The following VCF2 variants were observed in gnomAD, a reference collection of about 807,000 sequenced individuals.
VCF2 encodes the protein protein VCF2.
the VCF2 span, among the ~76,000 whole-genome samples, chrX:55,147,737 C>T: frequency 1.0e-5 from 1 of 96,044 alleles, no homozygotes; most frequent in Non-Finnish European, 2.0e-5. Flanking sequence ...CCAATGACAA[C>T]ATATTGATTT....
At chrX:55,145,323 A>G in the VCF2 span, 3 of 749,219 alleles carry the variant, frequency 4.0e-6, no homozygotes, top group Non-Finnish European at 4.7e-6. Flanking sequence ...AAAATATTAC[A>G]TATTTCTTAT....
the VCF2 span, chrX:55,161,131 A>C: frequency 8.3e-7 from 1 of 1,208,771 alleles, no homozygotes; most frequent in Non-Finnish European, 1.1e-6. Context: ...GCCCCGACGA[A>C]CTTACCGTAC....
chrX:55,159,128 C>T, the VCF2 span: 1 of 1,196,208 alleles, frequency 8.4e-7, no homozygotes, highest in Non-Finnish European at 1.1e-6. Flanking sequence ...ATACTTGCTA[C>T]CTCTGTATCT....
the VCF2 span, among the ~76,000 whole-genome samples, chrX:55,150,690 TTG>T: frequency 8.9e-6 from 1 of 112,343 alleles, no homozygotes; most frequent in African/African-American, 3.2e-5. Context: ...TCATTCATAG[TTG>T]TTTTACTTTT....
At chrX:55,156,831 GA>G in the VCF2 span, among the ~76,000 whole-genome samples, 9 of 103,771 alleles carry the variant, frequency 8.7e-5, no homozygotes, top group Admixed American at 3.1e-4. Context: ...AAACAAAAAT[GA>G]AAAAAAAAAG....
chrX:55,160,071 C>T, the VCF2 span, among the ~76,000 whole-genome samples: 2 of 111,939 alleles, frequency 1.8e-5, no homozygotes, highest in African/African-American at 6.5e-5. Flanking sequence ...GTACTGAGTA[C>T]AAAATGCCAA....
At chrX:55,144,580 A>C in the VCF2 span, among the ~76,000 whole-genome samples, 2 of 87,864 alleles carry the variant, frequency 2.3e-5, no homozygotes, top group South Asian at 1.3e-3. Flanking sequence ...TCAAGGAAAC[A>C]ACCATGAAAA....
At chrX:55,149,043 G>T in the VCF2 span, among the ~76,000 whole-genome samples, 1 of 111,550 alleles carries the variant, frequency 9.0e-6, no homozygotes, top group Non-Finnish European at 1.9e-5. Context: ...CCATGAATCT[G>T]AAAATTTTCA....
At chrX:55,160,903 C>T in the VCF2 span, 1 of 1,160,186 alleles carries the variant, frequency 8.6e-7, no homozygotes, top group African/African-American at 1.8e-5. Context: ...GAAGGCTTCG[C>T]GGGATTTTTT....
At chrX:55,146,241 C>T in the VCF2 span, 8 of 1,209,619 alleles carry the variant, frequency 6.6e-6, no homozygotes, top group African/African-American at 1.4e-4. Context: ...GTTTAAGTTG[C>T]CTTCTGGTCC....
At chrX:55,151,277 T>C in the VCF2 span, among the ~76,000 whole-genome samples, 2 of 112,473 alleles carry the variant, frequency 1.8e-5, no homozygotes, top group African/African-American at 3.2e-5. Context: ...AGTTGACTTA[T>C]AGAGCCAATA....
chrX:55,149,668 C>T, the VCF2 span, among the ~76,000 whole-genome samples: 8 of 111,152 alleles, frequency 7.2e-5, no homozygotes, highest in African/African-American at 2.6e-4. Context: ...ATCTGGGCCC[C>T]GATGTCAGAG....
chrX:55,153,338 T>A, the VCF2 span, among the ~76,000 whole-genome samples: 2 of 106,959 alleles, frequency 1.9e-5, no homozygotes, highest in East Asian at 2.9e-4. Context: ...TTTCTTTTTT[T>A]AAATTTTTAT....
chrX:55,152,582 G>A, the VCF2 span, among the ~76,000 whole-genome samples: 1 of 112,116 alleles, frequency 8.9e-6, no homozygotes, highest in Non-Finnish European at 1.9e-5. Flanking sequence ...TGGTAAAAAT[G>A]TGAAAGGAAA....
the VCF2 span, among the ~76,000 whole-genome samples, chrX:55,159,657 C>T: frequency 8.9e-6 from 1 of 111,772 alleles, no homozygotes; most frequent in Non-Finnish European, 1.9e-5. Flanking sequence ...GTTCTTATGC[C>T]AGTGGTGTAG....
At chrX:55,152,739 G>GCGACATAC in the VCF2 span, among the ~76,000 whole-genome samples, 1 of 111,820 alleles carries the variant, frequency 8.9e-6, no homozygotes, top group Admixed American at 9.4e-5. Flanking sequence ...TCTTTTTAAA[G>GCGACATAC]CGACATACCT....
chrX:55,160,947 G>A, the VCF2 span: 17 of 1,164,858 alleles, frequency 1.5e-5, no homozygotes, highest in Middle Eastern at 2.3e-4. Flanking sequence ...GAGGCAAGCA[G>A]GGCCGCGCCA....
chrX:55,151,813 AT>A, the VCF2 span, among the ~76,000 whole-genome samples: 17 of 99,282 alleles, frequency 1.7e-4, no homozygotes, highest in Admixed American at 1.7e-3. Flanking sequence ...TAATGTTTTC[AT>A]TTTTTTTCTT....
At chrX:55,151,369 G>A in the VCF2 span, among the ~76,000 whole-genome samples, 1 of 112,279 alleles carries the variant, frequency 8.9e-6, no homozygotes, top group Non-Finnish European at 1.9e-5. Flanking sequence ...GTAAAGAATG[G>A]CACTTTCTGA....
Sources: gnomAD v4.1 joint callset for allele counts (sites outside exome capture counted in the v4.1 genomes callset) on GRCh38, gnomAD v4.1.1 for gene constraint, MANE v1.5 for transcripts, NCBI Gene and HGNC (gene_info 2026-07-23, HGNC 2026-07-21) for gene names.